The following G3BP1 variants were observed in gnomAD, a reference collection of about 807,000 sequenced individuals.
The protein encoded by G3BP1 is ras GTPase-activating protein-binding protein 1.
G3BP1 carries 35 observed loss-of-function variants against 58.6 expected under a neutral mutation model. The ratio of observed to expected loss-of-function variants is 0.60; its 90% CI spans 0.46 to 0.79. G3BP1 has a LOEUF of 0.79. Among genes scored for constraint, G3BP1 ranks in the 30% least tolerant of loss-of-function variants. G3BP1 has a pLI of 0.00. For missense variants in G3BP1, 523 were observed against 580.8 expected, an observed-to-expected ratio of 0.90 and a Z score of 1.02; for synonymous variants, 191 against 195.4, an observed-to-expected ratio of 0.98 and a Z score of 0.19.
chr5:151,796,010 C>T (rs1762742972), intron 6 of G3BP1, among the ~76,000 whole-genome samples: 1 of 152,112 alleles, frequency 6.6e-6, no homozygotes, highest in Non-Finnish European at 1.5e-5. Context: ...TTAGTAAGTG[C>T]ATCATTATAC....
intron 2 of G3BP1, 34 bp downstream of exon 2, chr5:151,786,749 G>C (rs781412582): frequency 1.7e-6 from 2 of 1,207,504 alleles, no homozygotes; most frequent in East Asian, 4.6e-5. Flanking sequence ...ATCTAATGCT[G>C]TCTTTTAGTA....
intron 4 of G3BP1, chr5:151,791,938 G>A (rs1762665353): frequency 5.4e-6 from 2 of 366,990 alleles, no homozygotes; most frequent in Admixed American, 3.5e-5. Flanking sequence ...ACAGGTGTGA[G>A]CCACCATGCC....
At chr5:151,803,523 C>T (rs566916711) in intron 11 of G3BP1, among the ~76,000 whole-genome samples, 33 of 151,884 alleles carry the variant, frequency 2.2e-4, no homozygotes, top group Admixed American at 1.4e-3. Flanking sequence ...GTCGGAGTCT[C>T]GCTCTTTTTC....
chr5:151,784,355 T>TA lies in G3BP1; in HGVS notation c.-49-2216dup, dbSNP rs555173919. Among the ~76,000 whole-genome samples, 38 of 152,334 alleles carry TA rather than the reference T, an allele frequency of 2.5e-4. No homozygotes were observed. In the South Asian group the frequency reaches 7.0e-3, roughly 28 times the overall value. The stretch of plus-strand genomic sequence containing the variant: ...ACATTTTTTAGTAATTAAACAGTGT[T>TA]ATGTCTGCTATCTTAATCTAAATGC... On this transcript the variant is annotated intron_variant, in intron 1 of 11. Transcript: ENST00000356245.
In G3BP1 at chr5:151,796,552, G is replaced by A. The variant is rs563440678; in HGVS notation, c.540-675G>A. 2.0e-5 allele frequency among the ~76,000 whole-genome samples: 3 copies of A among 152,236 alleles called. No individual in the cohort carries two copies. In the South Asian group the frequency reaches 6.2e-4, roughly 32 times the overall value. ...CAAAGTGCTGGGATTACAGGTGTGTGCCCAGCCCCCTCTGCAGTTTTAACA... is the reference window on the plus strand; with the variant it reads ...CAAAGTGCTGGGATTACAGGTGTGTACCCAGCCCCCTCTGCAGTTTTAACA... On this transcript the variant is annotated intron_variant, in intron 6 of 11. Transcript: ENST00000356245.
chr5:151,802,759 C>G (rs1762875087), intron 11 of G3BP1, among the ~76,000 whole-genome samples: 1 of 152,164 alleles, frequency 6.6e-6, no homozygotes, highest in Non-Finnish European at 1.5e-5. Context: ...CGGTGAAACC[C>G]CGTCTCTACT....
rs186287266 is a variant in G3BP1 at position 151,793,345 on chromosome 5, G to A, written c.352-814G>A. On this transcript the variant is annotated intron_variant, in intron 4 of 11. Coordinates refer to ENST00000356245, the MANE Select transcript of G3BP1 (RefSeq NM_005754.3). ...GCTGGTCTTGAACTCCTGACCTTAG[G>A]TGATCTGCCTGCCTCGGCCTCCCAA... Among the ~76,000 whole-genome samples the A allele has an allele frequency of 4.2e-3, 642 of 152,242 alleles. 6 individuals are homozygous for A. The highest frequency in any genetic ancestry group is 0.014 in the African/African-American group (595 of 41,532).
At position 151,790,347 on chromosome 5, in the gene G3BP1, T is replaced by C. The variant is rs992444608; in HGVS notation, c.120T>C (p.Tyr40=). 3 of 1,571,410 alleles carry C rather than the reference T, an allele frequency of 1.9e-6. No individual in the cohort carries two copies. Among genetic ancestry groups the C allele is most frequent in the African/African-American group, 1.4e-5 (1 of 72,854 alleles). The change falls in exon 3 of 12, where the codon TAT becomes TAC. Residue 40 remains tyrosine (Y), a synonymous_variant. Coordinates refer to ENST00000356245, the MANE Select transcript of G3BP1 (RefSeq NM_005754.3). ...LHRFYGKNSS[Y]VHGGLDSNGK... ...GATTTTATGGAAAGAACTCTTCTTA[T>C]GTCCATGGGGGATTGGATTCAAATG...
intron 11 of G3BP1, among the ~76,000 whole-genome samples, chr5:151,803,653 C>G (rs538275282): frequency 2.0e-5 from 3 of 152,230 alleles, no homozygotes; most frequent in Non-Finnish European, 4.4e-5. Flanking sequence ...GTCACCATGT[C>G]TGGCTAATTT....
At chr5:151,772,220 C>G (rs1762278376) in intron 1 of G3BP1, 184 bp downstream of exon 1, 2 of 150,456 alleles carry the variant, frequency 1.3e-5, no homozygotes, top group Admixed American at 6.6e-5. Flanking sequence ...GCTCCTCGCT[C>G]CCGCTCCCGT....
At chr5:151,792,134 A>C (rs1762670356) in intron 4 of G3BP1, 1 of 456,122 alleles carries the variant, frequency 2.2e-6, no homozygotes. Context: ...ATACTTATGA[A>C]AGGACGACAA....
intron 10 of G3BP1, 86 bp downstream of exon 10, chr5:151,800,432 A>G (rs1762831215): frequency 1.0e-6 from 1 of 954,012 alleles, no homozygotes; most frequent in Non-Finnish European, 1.5e-6. Context: ...CACATATGTA[A>G]TTATAAATTT....
At chr5:151,787,121 A>G (rs2113228585) in intron 2 of G3BP1, 1 of 153,250 alleles carries the variant, frequency 6.5e-6, no homozygotes, top group African/African-American at 2.4e-5. Context: ...GGCCTCCCAA[A>G]GTCCTGGGAT....
chr5:151,784,698 T>C (rs1348828701), intron 1 of G3BP1, among the ~76,000 whole-genome samples: 2 of 152,206 alleles, frequency 1.3e-5, no homozygotes, highest in African/African-American at 4.8e-5. Context: ...CAGTATACTT[T>C]CATTTTTTTT....
chr5:151,789,074 C>CT (rs1231745704), intron 2 of G3BP1, among the ~76,000 whole-genome samples: 3 of 152,080 alleles, frequency 2.0e-5, no homozygotes, highest in Admixed American at 1.3e-4. Flanking sequence ...CGTGCCCAGC[C>CT]TTTTTTTGTA....
Position 151,812,012 on chromosome 5 carries a change from T to A in G3BP1, c.*7921T>A, listed in dbSNP as rs1763024904. On this transcript the variant is annotated 3_prime_UTR_variant, in exon 12 of 12. Transcript: ENST00000356245. ...TTCTACTTTGGCTAGCTGTCAGAGT[T>A]GCCGCTATGTGAGCTTGTGACTTCT... is the stretch of plus-strand genomic sequence containing the variant. 1 of 152,238 alleles carries A rather than the reference T, an allele frequency of 6.6e-6. No individual in the cohort carries two copies. Among genetic ancestry groups the A allele is most frequent in the Non-Finnish European group, 1.5e-5 (1 of 68,036 alleles). The allele number at this position is 152,238 out of a possible 1,614,324, so 9.4% of individuals were successfully genotyped here. A position where few individuals can be genotyped will look rare whatever the true frequency, so the allele number is the denominator to read the frequency against.
intron 1 of G3BP1, among the ~76,000 whole-genome samples, chr5:151,782,721 T>C (rs891046901): frequency 1.3e-5 from 2 of 152,134 alleles, no homozygotes; most frequent in Admixed American, 1.3e-4. Flanking sequence ...TATTAGCATG[T>C]GTTTTCATTG....
At chr5:151,775,282 G>C (rs1762347836) in intron 1 of G3BP1, among the ~76,000 whole-genome samples, 1 of 152,224 alleles carries the variant, frequency 6.6e-6, no homozygotes, top group Non-Finnish European at 1.5e-5. Context: ...CATCTACTTA[G>C]TAGGGATGTA....
At chr5:151,773,138 C>T (rs1208089247) in intron 1 of G3BP1, among the ~76,000 whole-genome samples, 1 of 152,022 alleles carries the variant, frequency 6.6e-6, no homozygotes, top group East Asian at 1.9e-4. Context: ...AAGTTAGGCT[C>T]CGGTTTTAGA....
Sources: allele counts gnomAD v4.1 joint callset (sites outside exome capture counted in the v4.1 genomes callset), GRCh38; gene constraint gnomAD v4.1.1; transcripts MANE v1.5; gene names NCBI Gene and HGNC (gene_info 2026-07-23, HGNC 2026-07-21).